The following RIMBP2 variants were observed in gnomAD, a reference collection of about 807,000 sequenced individuals.
RIMBP2 encodes RIMS binding protein 2, also known as RIMS-binding protein 2.
A neutral mutation model predicts 118.6 loss-of-function variants in RIMBP2; 48 were observed. That is an observed-to-expected ratio of 0.40 (90% CI 0.32 to 0.51). The LOEUF (loss-of-function observed/expected upper bound fraction) is 0.51. Ranked by LOEUF, RIMBP2 falls within the 20% of genes least tolerant of loss-of-function variation. The pLI is 0.41. For synonymous variants in RIMBP2, 762 were observed against 742.9 expected, an observed-to-expected ratio of 1.03 and a Z score of -0.42; for missense variants, 1,551 against 1,768.3, an observed-to-expected ratio of 0.88 and a Z score of 2.20.
chr12:130,709,874 C>T (rs1466587986), intron 1 of RIMBP2, among the ~76,000 whole-genome samples: 1 of 152,118 alleles, frequency 6.6e-6, no homozygotes, highest in East Asian at 1.9e-4. Flanking sequence ...CCAAAATGGC[C>T]AAATGGGCTT....
At chr12:130,436,731 T>A in intron 13 of RIMBP2, 111 bp downstream of exon 13, 1 of 895,428 alleles carries the variant, frequency 1.1e-6, no homozygotes, top group South Asian at 3.9e-5. Context: ...GCGGCCCCCC[T>A]CCCTGCAAGC....
At chr12:130,486,991 A>G (rs1024319096) in intron 4 of RIMBP2, among the ~76,000 whole-genome samples, 3 of 152,116 alleles carry the variant, frequency 2.0e-5, no homozygotes, top group Admixed American at 6.5e-5. Context: ...AAAGGCTGCC[A>G]ACTGCACCGG....
In RIMBP2 at chr12:130,610,899, AC is replaced by A. The variant is rs2060501431; in HGVS notation, c.-217+17422del. On this transcript the variant is annotated intron_variant, in intron 2 of 22. Transcript: ENST00000690449. ...AATTCACTGTCACCTCCCCCCAGTAACACCTGCAATGTCTCAGAAACTCACA... is the reference window on the plus strand; with the variant it reads ...AATTCACTGTCACCTCCCCCCAGTAAACCTGCAATGTCTCAGAAACTCACA... Among the ~76,000 whole-genome samples the A allele has an allele frequency of 3.3e-5, 5 of 152,228 alleles. No homozygotes were observed. The South Asian group carries it at 1.0e-3, about 32-fold the overall frequency.
At position 130,442,489 on chromosome 12, in the gene RIMBP2, G is replaced by T; in HGVS notation, c.863C>A (p.Thr288Asn). Reference sequence around the variant, plus strand: ...GTCGGTGATGCCCGCATCTATGTGGGTTGGGGAGTGGAGGTCCAGGATGTG... The same window carrying T: ...GTCGGTGATGCCCGCATCTATGTGGTTTGGGGAGTGGAGGTCCAGGATGTG... ...GEHILDLHSP[T>N]HIDAGITDNS... The change falls in exon 11 of 23, where the codon ACC becomes AAC. Residue 288 changes from threonine (T) to asparagine (N), a missense_variant. Thr to Asn is a moderately conservative substitution (Grantham distance 65). Coordinates refer to ENST00000690449, the MANE Select transcript of RIMBP2 (RefSeq NM_001393629.1). This position sits in a 1 kb window ranked among gnomAD's most constrained non-coding sequence, Gnocchi z 6.9. 5 of 1,614,208 alleles carry T rather than the reference G, an allele frequency of 3.1e-6. No individual in the cohort carries two copies. In the South Asian group the frequency reaches 5.5e-5, roughly 18 times the overall value.
chr12:130,670,351 TC>T lies in RIMBP2; in HGVS notation c.-351-41896del, dbSNP rs2136441222. Among the ~76,000 whole-genome samples, 1 of 152,274 alleles carries T rather than the reference TC, an allele frequency of 6.6e-6. No homozygotes were observed. Among genetic ancestry groups the T allele is most frequent in the South Asian group, 2.1e-4 (1 of 4,810 alleles). On this transcript the variant is annotated intron_variant, in intron 1 of 22. Transcript: ENST00000690449. This position sits in a 1 kb window ranked among gnomAD's most constrained non-coding sequence, Gnocchi z 4.9. Reference sequence around the variant, plus strand: ...TAGGAAGGCATGGAGAAGCGGATCTTCCCGGCAGCCACCAGCGTGTGAGCAT... The same window carrying T: ...TAGGAAGGCATGGAGAAGCGGATCTTCCGGCAGCCACCAGCGTGTGAGCAT...
At chr12:130,571,545 G>A (rs774732547) in intron 2 of RIMBP2, among the ~76,000 whole-genome samples, 73 of 151,452 alleles carry the variant, frequency 4.8e-4, no homozygotes, top group Admixed American at 3.2e-3. Flanking sequence ...TTAGCCTCCC[G>A]GGTAGCTGGA....
In RIMBP2 at chr12:130,438,471, G is replaced by A. The variant is rs146417648; in HGVS notation, c.1550C>T (p.Thr517Ile). The A allele has an allele frequency of 3.1e-6, 5 of 1,612,834 alleles. No homozygotes were observed. Among genetic ancestry groups the A allele is most frequent in the Non-Finnish European group, 3.4e-6 (4 of 1,179,606 alleles). The change falls in exon 12 of 23, where the codon ACC becomes ATC. Residue 517 changes from threonine (T) to isoleucine (I), a missense_variant. Thr to Ile is a moderately conservative substitution (Grantham distance 89). Transcript: ENST00000690449. ...CCAGGAGACCCGGATGGTGGCGGGG[G>A]TCACCCCAGCCTGGACGGTAACATC... Reference protein sequence around the residue: ...PQDVTVQAGVTPATIRVSWRP... With the variant: ...PQDVTVQAGVIPATIRVSWRP...
intron 1 of RIMBP2, among the ~76,000 whole-genome samples, chr12:130,640,361 G>A (rs1483319637): frequency 6.6e-6 from 1 of 152,194 alleles, no homozygotes; most frequent in African/African-American, 2.4e-5. Context: ...AATTATGTAT[G>A]GAACCTTCCA....
intron 5 of RIMBP2, among the ~76,000 whole-genome samples, chr12:130,476,440 G>A (rs572951060): frequency 7.6e-4 from 115 of 152,264 alleles, no homozygotes; most frequent in East Asian, 1.2e-3. Context: ...CAGCTAATCC[G>A]TGCCTCATGG....
chr12:130,510,818 C>A (rs191405129), intron 3 of RIMBP2, among the ~76,000 whole-genome samples: 1 of 152,222 alleles, frequency 6.6e-6, no homozygotes, highest in Admixed American at 6.5e-5. Flanking sequence ...TATGGTTTTG[C>A]ATTTCTTTGA....
At chr12:130,432,383 G>A (rs2077206134) in intron 14 of RIMBP2, 1 of 449,390 alleles carries the variant, frequency 2.2e-6, no homozygotes, top group African/African-American at 2.0e-5. Context: ...GTTGTGTTTT[G>A]CGTGTCATGT....
chr12:130,418,536 G>A (rs1046101852), intron 17 of RIMBP2, among the ~76,000 whole-genome samples: 2 of 152,172 alleles, frequency 1.3e-5, no homozygotes, highest in African/African-American at 4.8e-5. Context: ...GTGTGATCTA[G>A]TGAATGCAGT....
At chr12:130,506,932 T>C (rs907345326) in intron 3 of RIMBP2, among the ~76,000 whole-genome samples, 162 bp from the exon 4 acceptor site, 4 of 152,142 alleles carry the variant, frequency 2.6e-5, no homozygotes, top group Non-Finnish European at 4.4e-5. Context: ...TAGGGGTCAC[T>C]ACACATGACC....
intron 1 of RIMBP2, among the ~76,000 whole-genome samples, chr12:130,648,030 T>C (rs1157952611): frequency 6.8e-6 from 1 of 146,260 alleles, no homozygotes; most frequent in African/African-American, 2.4e-5. Context: ...TGAACACACG[T>C]GTGTACACAC....
At chr12:130,532,616 T>C (rs1215609314) in intron 2 of RIMBP2, among the ~76,000 whole-genome samples, 1 of 144,438 alleles carries the variant, frequency 6.9e-6, no homozygotes, top group Non-Finnish European at 1.5e-5. Flanking sequence ...GAGATGCGTA[T>C]GCTTAGCCTC....
chr12:130,546,431 G>C (rs1219251114), intron 2 of RIMBP2, among the ~76,000 whole-genome samples: 1 of 152,142 alleles, frequency 6.6e-6, no homozygotes, highest in Non-Finnish European at 1.5e-5. Flanking sequence ...GAGGAGCTGG[G>C]ATTACAGGTG....
chr12:130,443,482 G>A (rs573321863), intron 10 of RIMBP2, among the ~76,000 whole-genome samples: 2 of 152,288 alleles, frequency 1.3e-5, no homozygotes, highest in South Asian at 4.1e-4. Flanking sequence ...TCATCACAAG[G>A]TACCCACAGA....
Position 130,437,147 on chromosome 12 carries a change from C to T in RIMBP2, c.1801G>A (p.Glu601Lys), listed in dbSNP as rs755282733. ...VDSAVAAVPP[E>K]LLVPPTPHPR... ...TGGGGGGTAGGAGGCACCAGGAGCT[C>T]GGGGGGAACGGCAGCAACTGCAGAG... The change falls in exon 13 of 23, where the codon GAG (glutamate) becomes AAG (lysine). Residue 601 changes from glutamate (E) to lysine (K), a missense_variant. Physicochemically the swap from Glu to Lys is moderately conservative, Grantham distance 56. Transcript: ENST00000690449. The T allele has an allele frequency of 8.5e-5, 135 of 1,583,814 alleles. No individual in the cohort carries two copies. Among genetic ancestry groups the T allele is most frequent in the Non-Finnish European group, 1.2e-4 (135 of 1,164,454 alleles).
At chr12:130,445,117 C>A in intron 10 of RIMBP2, 43 bp downstream of exon 10, 1 of 1,351,754 alleles carries the variant, frequency 7.4e-7, no homozygotes, top group Non-Finnish European at 1.0e-6. Context: ...GCGGGGTGGA[C>A]TGGCCCAGCC....
Sources: allele counts gnomAD v4.1 joint callset (sites outside exome capture counted in the v4.1 genomes callset), GRCh38; gene constraint gnomAD v4.1.1; non-coding constraint Gnocchi (gnomAD v3.1); transcripts MANE v1.5; gene names NCBI Gene and HGNC (gene_info 2026-07-23, HGNC 2026-07-21).